Variants in ZC2HC1B observed in about 807,000 individuals in gnomAD.
ZC2HC1B encodes zinc finger C2HC-type containing 1B.
Under a neutral mutation model 31.0 loss-of-function variants are expected in ZC2HC1B, and 36 were observed. That is an observed-to-expected ratio of 1.16 (90% CI 0.89 to 1.54). The LOEUF is 1.54. Among genes scored for constraint, ZC2HC1B ranks in the 40% most tolerant of loss-of-function variants. The probability of loss-of-function intolerance (pLI) is 0.00; values close to 1 mark genes in which losing one functional copy is unlikely to be tolerated. For missense variants in ZC2HC1B, 260 were observed against 268.6 expected, an observed-to-expected ratio of 0.97 and a Z score of 0.22; for synonymous variants, 73 against 88.0, an observed-to-expected ratio of 0.83 and a Z score of 0.95.
At chr6:143,901,011 G>A (rs1157813320) in intron 5 of ZC2HC1B, among the ~76,000 whole-genome samples, 1 of 151,666 alleles carries the variant, frequency 6.6e-6, no homozygotes, top group African/African-American at 2.4e-5. Context: ...ACTAATTTTT[G>A]TATGTTCAGA....
chr6:143,906,872 G>C (rs986041111), intron 6 of ZC2HC1B, among the ~76,000 whole-genome samples: 3 of 151,898 alleles, frequency 2.0e-5, no homozygotes, highest in African/African-American at 7.3e-5. Context: ...TTTGCTGCCA[G>C]ATCATCCTAG....
intron 1 of ZC2HC1B, chr6:143,881,643 C>A (rs912434745): frequency 6.0e-5 from 9 of 151,084 alleles, no homozygotes. Flanking sequence ...TTTGTTTAAC[C>A]GTTCACCTAC....
rs1226852075 is a variant in ZC2HC1B at position 143,915,967 on chromosome 6, G to C, written c.598+12815G>C. On this transcript the variant is annotated intron_variant, in intron 6 of 7. Coordinates refer to ENST00000237275, the MANE Select transcript of ZC2HC1B (RefSeq NM_001013623.3). This position sits in a 1 kb window ranked among gnomAD's most constrained non-coding sequence, Gnocchi z 5.2. ...CAAACTGGCTGCAGAAATTTGTATA[G>C]GTAATGAGGAGCTGAATGTTAGTCC... Among the ~76,000 whole-genome samples the C allele has an allele frequency of 1.3e-5, 2 of 152,186 alleles. No individual in the cohort carries two copies. The highest frequency in any genetic ancestry group is 2.9e-5 in the Non-Finnish European group (2 of 68,028).
In ZC2HC1B at chr6:143,919,076, A is replaced by AT. The variant is rs200929486; in HGVS notation, c.598+15932dup. ...TCTTTTTTTGGGAACAGTTGTGTTG[A>AT]TTTTTTTTCTTTGAAGGTGCTATAC... On this transcript the variant is annotated intron_variant, in intron 6 of 7. Transcript: ENST00000237275. 7.3e-3 allele frequency among the ~76,000 whole-genome samples: 1,094 copies of AT among 150,686 alleles called. 14 individuals are homozygous for AT. Among genetic ancestry groups the AT allele is most frequent in the African/African-American group, 0.026 (1,058 of 40,990 alleles).
chr6:143,909,179 GT>G (rs1777831060), intron 6 of ZC2HC1B, among the ~76,000 whole-genome samples: 2 of 152,108 alleles, frequency 1.3e-5, no homozygotes, highest in Admixed American at 1.3e-4. Flanking sequence ...CCAGTATTTT[GT>G]TGAGGATTTT....
At chr6:143,929,331 G>A (rs1778090136) in intron 6 of ZC2HC1B, among the ~76,000 whole-genome samples, 1 of 152,126 alleles carries the variant, frequency 6.6e-6, no homozygotes, top group South Asian at 2.1e-4. Flanking sequence ...CTAATCTATT[G>A]AGATGATAAT....
intron 6 of ZC2HC1B, among the ~76,000 whole-genome samples, chr6:143,929,496 G>A (rs1439802182): frequency 6.6e-6 from 1 of 152,084 alleles, no homozygotes; most frequent in Non-Finnish European, 1.5e-5. Flanking sequence ...TTTTGTTAAG[G>A]AATTTTGCAC....
intron 6 of ZC2HC1B, among the ~76,000 whole-genome samples, chr6:143,927,064 C>T (rs1778061987): frequency 6.6e-6 from 1 of 151,798 alleles, no homozygotes; most frequent in Non-Finnish European, 1.5e-5. Flanking sequence ...TCCCAAAGTG[C>T]TGGGATTACA....
Position 143,911,557 on chromosome 6 carries a change from G to T in ZC2HC1B, c.598+8405G>T, listed in dbSNP as rs1777856471. ...AGTTTGACTGGATATGAAATTCTGG[G>T]TTGGAAATTCTTTTCTTTAAGAATG... On this transcript the variant is annotated intron_variant, in intron 6 of 7. Transcript: ENST00000237275. The surrounding 1 kb of genome is among the most constrained non-coding windows in gnomAD (Gnocchi z 4.5). Among the ~76,000 whole-genome samples the T allele has an allele frequency of 6.6e-6, 1 of 152,108 alleles. No individual in the cohort carries two copies. The highest frequency in any genetic ancestry group is 1.5e-5 in the Non-Finnish European group (1 of 68,018).
chr6:143,885,591 A>C lies in ZC2HC1B; in HGVS notation c.91-441A>C, dbSNP rs1158321740. The stretch of plus-strand genomic sequence containing the variant: ...CAAAGCTACTGTGTCAATGATGGTT[A>C]TTATGTGTCACACATCCACGAAGGG... On this transcript the variant is annotated intron_variant, in intron 2 of 7. Transcript: ENST00000237275. The surrounding 1 kb of genome is among the most constrained non-coding windows in gnomAD (Gnocchi z 4.2). 6.6e-6 allele frequency among the ~76,000 whole-genome samples: 1 copy of C among 152,204 alleles called. No individual in the cohort carries two copies. Among genetic ancestry groups the C allele is most frequent in the Admixed American group, 6.5e-5 (1 of 15,280 alleles).
intron 1 of ZC2HC1B, among the ~76,000 whole-genome samples, chr6:143,866,853 A>C (rs1777269805): frequency 6.6e-6 from 1 of 152,208 alleles, no homozygotes; most frequent in Admixed American, 6.5e-5. Flanking sequence ...TCAAGTTAAG[A>C]AATAGAACAT....
intron 4 of ZC2HC1B, among the ~76,000 whole-genome samples, chr6:143,888,700 G>A (rs1158606820): frequency 1.3e-5 from 2 of 151,696 alleles, no homozygotes; most frequent in African/African-American, 4.8e-5. Flanking sequence ...TTCATTTTTA[G>A]TGTATAAAAA....
chr6:143,927,264 T>C (rs555465898), intron 6 of ZC2HC1B, among the ~76,000 whole-genome samples: 2 of 152,264 alleles, frequency 1.3e-5, no homozygotes, highest in African/African-American at 4.8e-5. Context: ...TAGTGTTTAT[T>C]GTACCCATTA....
chr6:143,886,558 C>G lies in ZC2HC1B; in HGVS notation c.211-125C>G. The G allele has an allele frequency of 9.6e-7, 1 of 1,040,616 alleles. No homozygotes were observed. The highest frequency in any genetic ancestry group is 1.3e-6 in the Non-Finnish European group (1 of 785,562). The allele number at this position is 1,040,616 out of a possible 1,614,324, so 64.5% of individuals were successfully genotyped here. Reference sequence around the variant, plus strand: ...CTCTTTAAGGAGTACTTTTGAAAAACAAACTCTCCTTTTCCCCAATTTTCA... The same window carrying G: ...CTCTTTAAGGAGTACTTTTGAAAAAGAAACTCTCCTTTTCCCCAATTTTCA... On this transcript the variant is annotated intron_variant, in intron 3 of 7. Coordinates refer to ENST00000237275, the MANE Select transcript of ZC2HC1B (RefSeq NM_001013623.3). This position sits in a 1 kb window ranked among gnomAD's most constrained non-coding sequence, Gnocchi z 4.2.
rs1400726969 is a variant in ZC2HC1B at position 143,887,474 on chromosome 6, A to G, written c.349+653A>G. Among the ~76,000 whole-genome samples the G allele has an allele frequency of 6.6e-6, 1 of 152,134 alleles. No homozygotes were observed. Among genetic ancestry groups the G allele is most frequent in the African/African-American group, 2.4e-5 (1 of 41,440 alleles). On this transcript the variant is annotated intron_variant, in intron 4 of 7. Transcript: ENST00000237275. This position sits in a 1 kb window ranked among gnomAD's most constrained non-coding sequence, Gnocchi z 5.1. ...CCTTTTCCTGCATAATCACAATACTATTATCACACTTGATATATATTAATA... is the reference window on the plus strand; with the variant it reads ...CCTTTTCCTGCATAATCACAATACTGTTATCACACTTGATATATATTAATA...
intron 1 of ZC2HC1B, among the ~76,000 whole-genome samples, chr6:143,875,693 G>A (rs566229084): frequency 3.3e-5 from 5 of 150,406 alleles, no homozygotes; most frequent in African/African-American, 7.4e-5. Context: ...TCACCTCTAG[G>A]GCCCCACAGG....
chr6:143,881,500 G>A lies in ZC2HC1B; in HGVS notation c.29-2804G>A, dbSNP rs1211181225. Among the ~76,000 whole-genome samples the A allele has an allele frequency of 5.8e-5, 8 of 137,784 alleles. No homozygotes were observed. The South Asian group carries it at 6.8e-4, about 12-fold the overall frequency. 90.4% of individuals were successfully genotyped at this position (137,784 alleles called of 152,430 possible). Reference sequence around the variant, plus strand: ...CAGAAAGTAGAGGCTGTAATGAGCCGTGATCATCCCACTGTACCCTAGCCT... The same window carrying A: ...CAGAAAGTAGAGGCTGTAATGAGCCATGATCATCCCACTGTACCCTAGCCT... On this transcript the variant is annotated intron_variant, in intron 1 of 7. Transcript: ENST00000237275.
At chr6:143,912,971 A>C (rs1777878191) in intron 6 of ZC2HC1B, among the ~76,000 whole-genome samples, 2 of 152,218 alleles carry the variant, frequency 1.3e-5, no homozygotes, top group Admixed American at 1.3e-4. Flanking sequence ...CCCAGGATCC[A>C]AGGAGGAGTG....
At chr6:143,928,290 T>C (rs1012317694) in intron 6 of ZC2HC1B, among the ~76,000 whole-genome samples, 4 of 152,188 alleles carry the variant, frequency 2.6e-5, no homozygotes, top group South Asian at 2.1e-4. Flanking sequence ...TTAATTTTTG[T>C]ATATGATGAC....
Sources: gnomAD v4.1 joint callset for allele counts (sites outside exome capture counted in the v4.1 genomes callset) on GRCh38, gnomAD v4.1.1 for gene constraint, Gnocchi (gnomAD v3.1) non-coding constraint, MANE v1.5 for transcripts, NCBI Gene and HGNC (gene_info 2026-07-23, HGNC 2026-07-21) for gene names.